The following KLF13 variants were observed in gnomAD, a reference collection of about 807,000 sequenced individuals.
KLF13 encodes the protein Krueppel-like factor 13.
A neutral mutation model predicts 16.7 loss-of-function variants in KLF13; 8 were observed. The observed-to-expected ratio is 0.48, with a 90% CI of 0.28 to 0.87. The LOEUF (loss-of-function observed/expected upper bound fraction) is 0.87, where lower values mean the gene tolerates loss of function less well. Ranked by LOEUF, KLF13 falls within the 40% of genes least tolerant of loss-of-function variation. KLF13 has a pLI of 0.10. For synonymous variants in KLF13, 245 were observed against 208.4 expected (o/e 1.18, Z -1.51); for missense variants, 447 against 452.2 (o/e 0.99, Z 0.10).
rs568869964 is a variant in KLF13, at chr15:31,374,613, A to G, written c.*2314A>G. 6.6e-6 allele frequency: 1 copy of G among 152,610 alleles called. No homozygotes were observed. Among genetic ancestry groups the G allele is most frequent in the South Asian group, 2.1e-4 (1 of 4,816 alleles). The allele number at this position is 152,610 out of a possible 1,614,324, so 9.5% of individuals were successfully genotyped here. A position where few individuals can be genotyped will look rare whatever the true frequency, so the allele number is the denominator to read the frequency against. On this transcript the variant is annotated 3_prime_UTR_variant, in exon 2 of 2. Coordinates refer to ENST00000307145, the MANE Select transcript of KLF13 (RefSeq NM_015995.4). ...ATTCCAGGTTCAGGAATTTTATTCC[A>G]AAGTCCTTTGGTGCACTCACCGTCC...
At chr15:31,393,708 T>C (rs2039909530) in intron 2 of KLF13, 1 of 152,342 alleles carries the variant, frequency 6.6e-6, no homozygotes, top group African/African-American at 2.4e-5. Context: ...TGGGTGATGA[T>C]GAGAGTTCCC....
At chr15:31,405,876 G>C, downstream of KLF13, among the ~76,000 whole-genome samples, 1 of 152,192 alleles carries the variant, frequency 6.6e-6, no homozygotes, top group East Asian at 1.9e-4. Context: ...AGGAACAAAA[G>C]TAACAGTTGT....
At chr15:31,431,694 G>A (rs1348312148) in intron 1 of KLF13, among the ~76,000 whole-genome samples, 1 of 152,204 alleles carries the variant, frequency 6.6e-6, no homozygotes, top group Admixed American at 6.5e-5. Flanking sequence ...GCTATCTCCT[G>A]ACCTTGTGAT....
At chr15:31,432,513 A>T (rs1433597991) in intron 1 of KLF13, among the ~76,000 whole-genome samples, 5 of 144,330 alleles carry the variant, frequency 3.5e-5, no homozygotes, top group Admixed American at 1.4e-4. Flanking sequence ...CAGTGGTGTG[A>T]TCACCGCTCA....
chr15:31,331,790 T>G (rs1405872091), intron 1 of KLF13, among the ~76,000 whole-genome samples: 1 of 152,256 alleles, frequency 6.6e-6, no homozygotes, highest in African/African-American at 2.4e-5. Flanking sequence ...CAAACCACTG[T>G]TACCCCGCGT....
intron 1 of KLF13, chr15:31,420,190 G>A (rs149522358): frequency 5.1e-6 from 3 of 583,888 alleles, no homozygotes; most frequent in Non-Finnish European, 9.8e-6. Flanking sequence ...AAAGAGCCGA[G>A]CTGAGTGGGG....
intron 1 of KLF13, among the ~76,000 whole-genome samples, chr15:31,369,111 A>G (rs1270798238): frequency 6.6e-6 from 1 of 152,088 alleles, no homozygotes; most frequent in Non-Finnish European, 1.5e-5. Context: ...TGGATGTATT[A>G]TTTTACTTAT....
At position 31,372,090 on chromosome 15, in the gene KLF13, A is replaced by G. The variant is rs1399564904; in HGVS notation, c.658A>G (p.Thr220Ala). Residue 220 changes from threonine (T) to alanine (A), a missense_variant, in exon 2 of 2, where the codon ACA becomes GCA. By Grantham distance (58) the Thr-to-Ala change is moderately conservative (BLOSUM62 0). Around this residue, in one of 2 missense-constraint regions of KLF13, gnomAD observed 88 missense variants for 169.5 expected, o/e 0.52. Coordinates refer to ENST00000307145, the MANE Select transcript of KLF13 (RefSeq NM_015995.4). The part of the protein sequence containing the change: ...RSDELARHYR[T>A]HTGEKKFSCP... ...CGACGAGCTGGCGCGGCACTACCGC[A>G]CACACACGGGCGAGAAGAAGTTCAG... The G allele has an allele frequency of 1.9e-6, 3 of 1,612,960 alleles. No individual in the cohort carries two copies. Among genetic ancestry groups the G allele is most frequent in the Non-Finnish European group, 1.7e-6 (2 of 1,179,952 alleles).
chr15:31,383,830 A>G (rs959486385), intron 1 of KLF13, among the ~76,000 whole-genome samples: 6 of 152,194 alleles, frequency 3.9e-5, no homozygotes, highest in African/African-American at 1.4e-4. Flanking sequence ...TGAACCTGGG[A>G]GGCAGAGCTT....
At chr15:31,407,818 A>G (rs2040146776), downstream of KLF13, among the ~76,000 whole-genome samples, 2 of 152,214 alleles carry the variant, frequency 1.3e-5, no homozygotes, top group Admixed American at 1.3e-4. Context: ...TACAGAGACC[A>G]GTAAAGCCTT....
chr15:31,413,203 C>CAAAAAAAAAAA (rs1341640127), intron 1 of KLF13, among the ~76,000 whole-genome samples: 1 of 130,240 alleles, frequency 7.7e-6, no homozygotes. Flanking sequence ...AAAAAAAAAA[C>CAAAAAAAAAAA]AAAAAACAAA....
At chr15:31,347,830 GC>G (rs1408825913) in intron 1 of KLF13, among the ~76,000 whole-genome samples, 1 of 152,260 alleles carries the variant, frequency 6.6e-6, no homozygotes, top group Non-Finnish European at 1.5e-5. Context: ...GGGGTTGGGG[GC>G]TGCCTCTGTT....
At chr15:31,384,026 A>G (rs2039765422) in intron 1 of KLF13, among the ~76,000 whole-genome samples, 1 of 152,266 alleles carries the variant, frequency 6.6e-6, no homozygotes, top group African/African-American at 2.4e-5. Context: ...CTAATACCCA[A>G]TCTATTATTA....
intron 1 of KLF13, among the ~76,000 whole-genome samples, chr15:31,337,752 T>C (rs1006903512): frequency 6.6e-6 from 1 of 152,236 alleles, no homozygotes; most frequent in African/African-American, 2.4e-5. Context: ...TGTCGTCTTA[T>C]GGGACCAGCC....
At chr15:31,387,041 A>C (rs997743403) in intron 1 of KLF13, among the ~76,000 whole-genome samples, 2 of 152,228 alleles carry the variant, frequency 1.3e-5, no homozygotes, top group African/African-American at 4.8e-5. Context: ...CTTGAGATGG[A>C]ATCTACTCCT....
At chr15:31,355,948 C>A (rs1010159972) in intron 1 of KLF13, among the ~76,000 whole-genome samples, 7 of 152,114 alleles carry the variant, frequency 4.6e-5, no homozygotes, top group Admixed American at 6.5e-5. Context: ...GCCCCACTTC[C>A]TGGAGCCCCT....
intron 1 of KLF13, among the ~76,000 whole-genome samples, chr15:31,333,323 G>T (rs894366959): frequency 6.6e-6 from 1 of 152,210 alleles, no homozygotes; most frequent in Non-Finnish European, 1.5e-5. Flanking sequence ...AGCCGCCCCC[G>T]AGGTGGGTGT....
chr15:31,391,878 T>C (rs2039876405), upstream of KLF13, among the ~76,000 whole-genome samples: 1 of 152,014 alleles, frequency 6.6e-6, no homozygotes, highest in Non-Finnish European at 1.5e-5. Context: ...ATTCGTGAAC[T>C]GCCGGCCCGG....
At chr15:31,410,587 ACACACACACACACACAC>A (rs2040180703) in intron 1 of KLF13, among the ~76,000 whole-genome samples, 1 of 8,646 alleles carries the variant, frequency 1.2e-4, no homozygotes, top group Non-Finnish European at 1.1e-3. Context: ...CAACCAACAC[ACACACACACACACACAC>A]ACACACACAC....
Sources: gnomAD v4.1 joint callset for allele counts (sites outside exome capture counted in the v4.1 genomes callset) on GRCh38, gnomAD v4.1.1 for gene constraint, gnomAD v4.1.1 regional missense constraint, MANE v1.5 for transcripts, NCBI Gene and HGNC (gene_info 2026-07-23, HGNC 2026-07-21) for gene names.